ZFAND3: variants seen among roughly 807,000 people sequenced by gnomAD.
The protein encoded by ZFAND3 is zinc finger AN1-type containing 3.
In ZFAND3, 10 loss-of-function variants were observed where a neutral mutation model predicts 29.6. That is an observed-to-expected ratio of 0.34 (90% CI 0.21 to 0.57). The LOEUF (loss-of-function observed/expected upper bound fraction) is 0.57, where lower values mean the gene tolerates loss of function less well. ZFAND3 is among the 20% of genes least tolerant of loss of function. ZFAND3 has a pLI of 0.86. For missense variants in ZFAND3, 230 were observed against 304.5 expected (o/e 0.76, Z 1.82); for synonymous variants, 128 against 112.6 (o/e 1.14, Z -0.87).
At chr6:38,001,326 A>G (rs1010201839) in intron 2 of ZFAND3, among the ~76,000 whole-genome samples, 1 of 152,266 alleles carries the variant, frequency 6.6e-6, no homozygotes, top group African/African-American at 2.4e-5. Flanking sequence ...ATCCATTACT[A>G]CTAGTGTTTG....
chr6:37,935,467 T>C (rs1238624173), intron 2 of ZFAND3, among the ~76,000 whole-genome samples: 2 of 152,202 alleles, frequency 1.3e-5, no homozygotes, highest in African/African-American at 2.4e-5. Flanking sequence ...TTAACATTTA[T>C]TGGTTGAAAT....
At chr6:38,074,991 C>G (rs1240013642) in intron 3 of ZFAND3, among the ~76,000 whole-genome samples, 1 of 152,202 alleles carries the variant, frequency 6.6e-6, no homozygotes, top group Non-Finnish European at 1.5e-5. Flanking sequence ...TATAGACCTA[C>G]TGCTGAGAAA....
At chr6:38,004,571 A>G (rs562157612) in intron 2 of ZFAND3, among the ~76,000 whole-genome samples, 1 of 151,304 alleles carries the variant, frequency 6.6e-6, no homozygotes, top group Non-Finnish European at 1.5e-5. Flanking sequence ...ACGAATGAAT[A>G]AGTAGGTCTT....
intron 5 of ZFAND3, among the ~76,000 whole-genome samples, chr6:38,135,113 A>T (rs1581948325): frequency 6.6e-6 from 1 of 152,302 alleles, no homozygotes; most frequent in East Asian, 1.9e-4. Context: ...AGGACCCATG[A>T]GGGGCGTGAC....
intron 2 of ZFAND3, among the ~76,000 whole-genome samples, chr6:38,022,487 G>C (rs1013741940): frequency 1.3e-5 from 2 of 152,130 alleles, no homozygotes; most frequent in Non-Finnish European, 2.9e-5. Context: ...GCTCTTTGCT[G>C]GTCTTTTAAT....
At chr6:38,060,378 C>G (rs770635440) in intron 2 of ZFAND3, among the ~76,000 whole-genome samples, 1 of 151,912 alleles carries the variant, frequency 6.6e-6, no homozygotes, top group Non-Finnish European at 1.5e-5. Flanking sequence ...TCTCCCCTCC[C>G]GTTTTTCTTT....
chr6:37,933,757 T>TG (rs1561938917), intron 2 of ZFAND3, among the ~76,000 whole-genome samples: 1 of 152,170 alleles, frequency 6.6e-6, no homozygotes, highest in Non-Finnish European at 1.5e-5. Context: ...AGAGAGGTTT[T>TG]TTTGTTTGTT....
At chr6:37,927,958 T>TG (rs1761519577) in intron 1 of ZFAND3, among the ~76,000 whole-genome samples, 2 of 152,326 alleles carry the variant, frequency 1.3e-5, no homozygotes, top group African/African-American at 4.8e-5. Flanking sequence ...AATGGTAAAA[T>TG]GGGGTTGAAG....
chr6:38,054,491 A>T (rs187638860), intron 2 of ZFAND3, among the ~76,000 whole-genome samples: 158 of 151,974 alleles, frequency 1.0e-3, no homozygotes, highest in Non-Finnish European at 1.9e-3. Flanking sequence ...CTGATTTTTT[A>T]AATTAATAAA....
intron 2 of ZFAND3, among the ~76,000 whole-genome samples, chr6:37,958,933 T>C (rs1486274770): frequency 6.6e-6 from 1 of 152,188 alleles, no homozygotes; most frequent in African/African-American, 2.4e-5. Flanking sequence ...TAGTCAAAAG[T>C]ACAAAAATGG....
Position 38,082,395 on chromosome 6 carries a change from G to A in ZFAND3, c.299G>A (p.Gly100Glu), listed in dbSNP as rs1388626911. 1.9e-6 allele frequency: 3 copies of A among 1,611,060 alleles called. No homozygotes were observed. Among genetic ancestry groups the A allele is most frequent in the Non-Finnish European group, 2.5e-6 (3 of 1,178,522 alleles). Residue 100 changes from glycine to glutamate, a missense_variant, in exon 4 of 6, where the codon GGG (glycine) becomes GAG (glutamate). By Grantham distance (98) the Gly-to-Glu change is moderately conservative. This residue lies in a region of ZFAND3 where 180 missense variants were observed against 202.5 expected (regional missense o/e 0.89). Transcript: ENST00000287218. ...NVTSPSKEEC[G>E]PCTDTAHVSL... ...GCACCTGCCTTTCTGTTTCTAGGTGGGCCATGCACAGACACAGCTCATGTC... is the reference window on the plus strand; with the variant it reads ...GCACCTGCCTTTCTGTTTCTAGGTGAGCCATGCACAGACACAGCTCATGTC...
chr6:37,946,433 A>G (rs1223390333), intron 2 of ZFAND3, among the ~76,000 whole-genome samples: 1 of 152,240 alleles, frequency 6.6e-6, no homozygotes, highest in African/African-American at 2.4e-5. Context: ...GCACAGCTCA[A>G]AAGAGCAACA....
chr6:37,933,757 T>TTTTG (rs758030914), intron 2 of ZFAND3, among the ~76,000 whole-genome samples: 23 of 152,288 alleles, frequency 1.5e-4, no homozygotes, highest in South Asian at 1.2e-3. Context: ...AGAGAGGTTT[T>TTTTG]TTTGTTTGTT....
intron 2 of ZFAND3, among the ~76,000 whole-genome samples, chr6:38,038,111 A>C (rs1404701544): frequency 6.6e-6 from 1 of 152,224 alleles, no homozygotes; most frequent in Non-Finnish European, 1.5e-5. Context: ...TGTGCGGCCC[A>C]GCAAGTCAGT....
chr6:37,893,559 G>C (rs1181603234), intron 1 of ZFAND3, among the ~76,000 whole-genome samples: 2 of 152,022 alleles, frequency 1.3e-5, no homozygotes, highest in Non-Finnish European at 2.9e-5. Flanking sequence ...TTGTTTGTTT[G>C]TTTGTTTTTT....
At chr6:38,031,837 C>T (rs1763567080) in intron 2 of ZFAND3, among the ~76,000 whole-genome samples, 1 of 150,882 alleles carries the variant, frequency 6.6e-6, no homozygotes, top group African/African-American at 2.4e-5. Flanking sequence ...TGCCCCTCCC[C>T]CCCCGCCCCA....
At chr6:37,990,206 G>T (rs1006532882) in intron 2 of ZFAND3, among the ~76,000 whole-genome samples, 1 of 152,138 alleles carries the variant, frequency 6.6e-6, no homozygotes, top group Non-Finnish European at 1.5e-5. Flanking sequence ...TCAGGTGATG[G>T]TGATAGTCCT....
intron 4 of ZFAND3, among the ~76,000 whole-genome samples, chr6:38,093,778 A>G (rs1764918655): frequency 6.6e-6 from 1 of 152,214 alleles, no homozygotes; most frequent in African/African-American, 2.4e-5. Flanking sequence ...AAGGCAGCAG[A>G]CAGAAATCAT....
chr6:37,897,261 C>G (rs1765237296), intron 1 of ZFAND3, among the ~76,000 whole-genome samples: 1 of 152,104 alleles, frequency 6.6e-6, no homozygotes, highest in African/African-American at 2.4e-5. Context: ...TTAGTTTTAT[C>G]TGTTTTAAAC....
Sources: allele counts gnomAD v4.1 joint callset (sites outside exome capture counted in the v4.1 genomes callset), GRCh38; gene constraint gnomAD v4.1.1; regional missense constraint gnomAD v4.1.1; transcripts MANE v1.5; gene names NCBI Gene and HGNC (gene_info 2026-07-23, HGNC 2026-07-21).